The following APOL4 variants were observed in gnomAD, a reference collection of about 807,000 sequenced individuals.
APOL4 encodes the protein apolipoprotein L4.
Under a neutral mutation model 12.1 loss-of-function variants are expected in APOL4, and 14 were observed. The ratio of observed to expected loss-of-function variants is 1.16; its 90% CI spans 0.76 to 1.81. APOL4 has a LOEUF of 1.81. APOL4 is among the 40% of genes most tolerant of loss of function. APOL4 has a pLI of 0.00. For missense variants in APOL4, 432 were observed against 423.1 expected (o/e 1.02, Z -0.18); for synonymous variants, 171 against 160.6 (o/e 1.06, Z -0.49).
chr22:36,198,883 G>C (rs1475455657), intron 2 of APOL4, among the ~76,000 whole-genome samples: 1 of 152,184 alleles, frequency 6.6e-6, no homozygotes, highest in African/African-American at 2.4e-5. Context: ...GAGCTGGAGG[G>C]AGGGGACCGG....
At chr22:36,197,802 G>C in intron 2 of APOL4, 1 of 1,549,964 alleles carries the variant, frequency 6.5e-7, no homozygotes, top group Non-Finnish European at 8.7e-7. Flanking sequence ...CAGCTGTAGG[G>C]ACAGGGGGAG....
At chr22:36,198,379 A>T (rs181267598) in intron 2 of APOL4, among the ~76,000 whole-genome samples, 1 of 152,346 alleles carries the variant, frequency 6.6e-6, no homozygotes, top group East Asian at 1.9e-4. Flanking sequence ...CCCGATAAAC[A>T]CTTGTCTTCC....
At chr22:36,197,796 T>A in intron 2 of APOL4, 1 of 1,550,114 alleles carries the variant, frequency 6.5e-7, no homozygotes. Flanking sequence ...TGTAACCAGC[T>A]GTAGGGACAG....
intron 2 of APOL4, among the ~76,000 whole-genome samples, chr22:36,195,762 TCTCTC>T (rs1569531217): frequency 8.7e-6 from 1 of 114,382 alleles, no homozygotes; most frequent in African/African-American, 2.8e-5. Context: ...TCTCTCTCTC[TCTCTC>T]TCTCTCTCTC....
At chr22:36,193,654 T>C (rs904556336) in intron 3 of APOL4, among the ~76,000 whole-genome samples, 11 of 152,194 alleles carry the variant, frequency 7.2e-5, no homozygotes, top group African/African-American at 2.2e-4. Flanking sequence ...AAGGGTGCAC[T>C]CGAACGTTGC....
Position 36,189,716 on chromosome 22 carries a change from T to C in APOL4, c.*1359A>G, listed in dbSNP as rs2014193093. On this transcript the variant is annotated 3_prime_UTR_variant, in exon 4 of 4. Coordinates refer to ENST00000683024, the MANE Select transcript of APOL4 (RefSeq NM_001386885.1). ...TCTCTTCCTCCCCCAATATACTCTT[T>C]AGTCTAGAGTAAACTGCTTCTTTCC... is the stretch of plus-strand genomic sequence containing the variant. The C allele has an allele frequency of 6.6e-6, 1 of 152,572 alleles. No homozygotes were observed. 9.5% of individuals were successfully genotyped at this position (152,572 alleles called of 1,614,324 possible). A position where few individuals can be genotyped will look rare whatever the true frequency, so the allele number is the denominator to read the frequency against.
At chr22:36,204,117 C>T (rs192572823), upstream of APOL4, among the ~76,000 whole-genome samples, 1 of 152,280 alleles carries the variant, frequency 6.6e-6, no homozygotes, top group Admixed American at 6.5e-5. Flanking sequence ...CAAGTAGGTG[C>T]TCAGACTCAG....
At chr22:36,197,030 C>T (rs779130815) in intron 2 of APOL4, among the ~76,000 whole-genome samples, 6 of 152,164 alleles carry the variant, frequency 3.9e-5, no homozygotes, top group Non-Finnish European at 8.8e-5. Context: ...TCCGTGTTGC[C>T]TCTGTCCCCT....
intron 1 of APOL4, 101 bp from the exon 2 acceptor site, chr22:36,199,477 G>A (rs1048705736): frequency 9.3e-6 from 15 of 1,613,026 alleles, no homozygotes; most frequent in Admixed American, 3.3e-5. Context: ...TGAGGTGGCA[G>A]CAAATGCCAA....
upstream of APOL4, chr22:36,202,159 G>A: frequency 6.7e-7 from 1 of 1,498,902 alleles, no homozygotes; most frequent in Non-Finnish European, 9.2e-7. Flanking sequence ...CAGGCTGCAG[G>A]GCTTTGACGC....
At chr22:36,204,605 A>T (rs2014674003), upstream of APOL4, 1 of 445,942 alleles carries the variant, frequency 2.2e-6, no homozygotes, top group Admixed American at 3.9e-5. Context: ...AGATGGAGGG[A>T]GGTCACACCA....
At chr22:36,197,713 G>A in intron 2 of APOL4, 1 of 1,550,504 alleles carries the variant, frequency 6.4e-7, no homozygotes, top group Non-Finnish European at 8.7e-7. Context: ...GCTGAGATGT[G>A]GATACTGGGA....
upstream of APOL4, chr22:36,204,533 C>T (rs867670503): frequency 4.3e-6 from 1 of 234,514 alleles, no homozygotes. Context: ...TACCTAACCT[C>T]TCCGAGCTTA....
At chr22:36,202,006 C>A, upstream of APOL4, 1 of 1,614,138 alleles carries the variant, frequency 6.2e-7, no homozygotes, top group Non-Finnish European at 8.5e-7. Flanking sequence ...ATGCAGACGA[C>A]AAAGATTTTC....
In APOL4 at chr22:36,193,388, G is replaced by A. The variant is rs546918251; in HGVS notation, c.210-1476C>T. Among the ~76,000 whole-genome samples the A allele has an allele frequency of 2.0e-4, 30 of 152,288 alleles. No homozygotes were observed. In the South Asian group the frequency reaches 6.0e-3, roughly 30 times the overall value. ...TTTCCTTAACTGGGTGAGCTTCCCT[G>A]GTTGGCAACACCCCATGTGTTTTGT... On this transcript the variant is annotated intron_variant, in intron 3 of 3. Transcript: ENST00000683024.
chr22:36,202,025 A>T (rs1347767249), upstream of APOL4: 1 of 1,614,156 alleles, frequency 6.2e-7, no homozygotes, highest in East Asian at 2.2e-5. Flanking sequence ...TCAGCAAAGC[A>T]GCTCCCTCCA....
Position 36,190,754 on chromosome 22 carries a change from T to C in APOL4, c.*321A>G, listed in dbSNP as rs2014219940. The C allele has an allele frequency of 3.5e-6, 1 of 282,464 alleles. No homozygotes were observed. Among genetic ancestry groups the C allele is most frequent in the Admixed American group, 4.8e-5 (1 of 20,794 alleles). 17.5% of individuals were successfully genotyped at this position (282,464 alleles called of 1,614,324 possible). A position where few individuals can be genotyped will look rare whatever the true frequency, so the allele number is the denominator to read the frequency against. On this transcript the variant is annotated 3_prime_UTR_variant, in exon 4 of 4. Transcript: ENST00000683024. ...AGATTTCATATTGTTCAAACACACATGCTCTACAATTTGTGCAGTTAACGC... is the reference window on the plus strand; with the variant it reads ...AGATTTCATATTGTTCAAACACACACGCTCTACAATTTGTGCAGTTAACGC...
intron 3 of APOL4, among the ~76,000 whole-genome samples, chr22:36,192,266 G>A (rs2014280647): frequency 6.6e-6 from 1 of 152,186 alleles, no homozygotes; most frequent in South Asian, 2.1e-4. Context: ...CATGAATCCA[G>A]GAGGTGGAGC....
At chr22:36,193,153 T>A (rs1336845845) in intron 3 of APOL4, among the ~76,000 whole-genome samples, 8 of 152,202 alleles carry the variant, frequency 5.3e-5, no homozygotes, top group African/African-American at 1.2e-4. Context: ...GACCTGCCTT[T>A]AGGGAGCATC....
Sources: allele counts gnomAD v4.1 joint callset (sites outside exome capture counted in the v4.1 genomes callset), GRCh38; gene constraint gnomAD v4.1.1; transcripts MANE v1.5; gene names NCBI Gene and HGNC (gene_info 2026-07-23, HGNC 2026-07-21).